Variants in RNF212 observed in about 807,000 individuals in gnomAD.
RNF212 encodes the protein probable E3 SUMO-protein ligase RNF212.
RNF212 carries 33 observed loss-of-function variants against 34.7 expected under a neutral mutation model. The observed-to-expected ratio is 0.95, with a 90% CI of 0.72 to 1.27. The LOEUF (loss-of-function observed/expected upper bound fraction) is 1.27. Among genes scored for constraint, RNF212 ranks in the 50% most tolerant of loss-of-function variants. RNF212 has a pLI of 0.00. For missense variants in RNF212, 377 were observed against 362.2 expected (o/e 1.04, Z -0.33); for synonymous variants, 140 against 136.1 (o/e 1.03, Z -0.20).
At chr4:1,085,503 C>T (rs1164414313) in intron 5 of RNF212, among the ~76,000 whole-genome samples, 2 of 152,202 alleles carry the variant, frequency 1.3e-5, no homozygotes, top group Admixed American at 6.5e-5. Context: ...CTTTCGCAAA[C>T]GGCTACGACT....
chr4:1,110,988 G>C (rs1314932124), intron 1 of RNF212, among the ~76,000 whole-genome samples: 2 of 152,172 alleles, frequency 1.3e-5, no homozygotes, highest in Non-Finnish European at 2.9e-5. Flanking sequence ...AGAGTATGCT[G>C]ACCTCAAAAG....
intron 3 of RNF212, among the ~76,000 whole-genome samples, chr4:1,094,233 G>A (rs1204354815): frequency 1.3e-5 from 2 of 152,078 alleles, no homozygotes; most frequent in Non-Finnish European, 2.9e-5. Context: ...CACTCTTCAC[G>A]GAAGAGGGAA....
chr4:1,093,238 G>A, intron 3 of RNF212: 1 of 418,214 alleles, frequency 2.4e-6, no homozygotes, highest in Non-Finnish European at 3.9e-6. Flanking sequence ...AAGTTACTGA[G>A]GGCCCCAGAG....
At chr4:1,066,133 G>A (rs1194717351) in intron 3 of RNF212, among the ~76,000 whole-genome samples, 2 of 151,304 alleles carry the variant, frequency 1.3e-5, no homozygotes, top group Non-Finnish European at 2.9e-5. Flanking sequence ...ATGTTGCCCA[G>A]GCTGGACTCC....
At chr4:1,104,917 G>A (rs1157849282) in intron 2 of RNF212, among the ~76,000 whole-genome samples, 1 of 152,160 alleles carries the variant, frequency 6.6e-6, no homozygotes, top group Non-Finnish European at 1.5e-5. Context: ...CACGTCATGA[G>A]GCATTTGAGG....
At chr4:1,081,879 C>A in intron 5 of RNF212, 1 of 475,784 alleles carries the variant, frequency 2.1e-6, no homozygotes, top group Non-Finnish European at 3.8e-6. Context: ...AACTGTCACT[C>A]AGCACATGGC....
At chr4:1,095,894 G>A (rs549964642) in intron 3 of RNF212, among the ~76,000 whole-genome samples, 3 of 77,836 alleles carry the variant, frequency 3.9e-5, no homozygotes, top group Admixed American at 1.2e-4. Context: ...TCAGCATAGC[G>A]CACCTGGCTC....
chr4:1,112,273 C>CT (rs776725009), intron 1 of RNF212, among the ~76,000 whole-genome samples: 2 of 152,102 alleles, frequency 1.3e-5, no homozygotes, highest in Non-Finnish European at 2.9e-5. Context: ...AGCGGCTTTG[C>CT]TGTAGGGCTG....
intron 8 of RNF212, among the ~76,000 whole-genome samples, chr4:1,079,109 C>T (rs1577673468): frequency 1.3e-5 from 2 of 150,890 alleles, no homozygotes; most frequent in Non-Finnish European, 1.5e-5. Context: ...AGGACCAACA[C>T]AGGGTCAACA....
In RNF212 at chr4:1,088,210, G is replaced by T. The variant is rs528433123; in HGVS notation, c.304-2256C>A. Among the ~76,000 whole-genome samples the T allele has an allele frequency of 9.3e-4, 141 of 152,318 alleles. 1 individual carries two copies. Among genetic ancestry groups the T allele is most frequent in the African/African-American group, 3.2e-3 (133 of 41,556 alleles). ...TGCTGATAGTGATATGGATGGTGAA[G>T]TTCAGGCTGAGGAGGTCTCAGATGG... On this transcript the variant is annotated intron_variant, in intron 4 of 9. Transcript: ENST00000433731.
chr4:1,073,755 G>A, intron 8 of RNF212, 93 bp from the exon 9 acceptor site: 1 of 819,376 alleles, frequency 1.2e-6, no homozygotes, highest in Non-Finnish European at 2.1e-6. Context: ...ACATTTCCCA[G>A]AACCCCATCT....
At chr4:1,061,497 C>G (rs1051096713) in intron 3 of RNF212, among the ~76,000 whole-genome samples, 14 of 152,216 alleles carry the variant, frequency 9.2e-5, no homozygotes, top group Non-Finnish European at 1.6e-4. Context: ...AGAAGCAGCA[C>G]AGGCCTGTGC....
At chr4:1,082,762 A>T (rs755537778) in intron 5 of RNF212, among the ~76,000 whole-genome samples, 12 of 152,206 alleles carry the variant, frequency 7.9e-5, no homozygotes, top group Non-Finnish European at 1.8e-4. Context: ...CAGCCCCCAG[A>T]ACAGTGCTGA....
At chr4:1,080,382 C>T (rs1720130881) in intron 7 of RNF212, among the ~76,000 whole-genome samples, 1 of 152,182 alleles carries the variant, frequency 6.6e-6, no homozygotes, top group Non-Finnish European at 1.5e-5. Context: ...AGAGGCAGGG[C>T]TCAGTCACCT....
At chr4:1,057,120 G>GGT in intron 4 of RNF212, 3 of 382,568 alleles carry the variant, frequency 7.8e-6, no homozygotes, top group Non-Finnish European at 1.1e-5. Context: ...GCATCTCTGA[G>GGT]AACCTCGGAG....
chr4:1,097,178 T>C (rs1401368808), intron 2 of RNF212, among the ~76,000 whole-genome samples: 1 of 152,202 alleles, frequency 6.6e-6, no homozygotes, highest in East Asian at 1.9e-4. Flanking sequence ...TCCTTTAGTA[T>C]GGAGACATAC....
intron 4 of RNF212, chr4:1,056,692 G>A (rs1560085407): frequency 2.1e-6 from 1 of 477,640 alleles, no homozygotes; most frequent in Non-Finnish European, 2.7e-6. Context: ...CTGCGTTTCT[G>A]AACAACTAAG....
chr4:1,107,969 G>T (rs4974643), intron 2 of RNF212, among the ~76,000 whole-genome samples: 123,834 of 152,124 alleles, frequency 0.81, 52,061 homozygotes, highest in East Asian at 1. Context: ...TTTTAAGCCT[G>T]CAGCAGTAAT....
downstream of RNF212, among the ~76,000 whole-genome samples, chr4:1,070,903 C>A (rs1465321519): frequency 6.6e-6 from 1 of 151,446 alleles, no homozygotes; most frequent in African/African-American, 2.4e-5. Flanking sequence ...ACTGTTCTTA[C>A]AATTTTTTCT....
Sources: allele counts gnomAD v4.1 joint callset (sites outside exome capture counted in the v4.1 genomes callset), GRCh38; gene constraint gnomAD v4.1.1; transcripts MANE v1.5; gene names NCBI Gene and HGNC (gene_info 2026-07-23, HGNC 2026-07-21).